ADAT1: variants seen among roughly 807,000 people sequenced by gnomAD.
ADAT1 encodes the protein tRNA-specific adenosine deaminase 1.
A neutral mutation model predicts 58.6 loss-of-function variants in ADAT1; 58 were observed. The observed-to-expected ratio is 0.99, with a 90% CI of 0.80 to 1.23. ADAT1 has a LOEUF of 1.23. Among genes scored for constraint, ADAT1 ranks in the 50% most tolerant of loss-of-function variants. The pLI is 0.00. For missense variants in ADAT1, 741 were observed against 608.6 expected (o/e 1.22, Z -2.29); for synonymous variants, 254 against 220.8 (o/e 1.15, Z -1.33).
intron 4 of ADAT1, among the ~76,000 whole-genome samples, chr16:75,618,098 CAAAAAAAAAAAAAA>C (rs1163510620): frequency 3.1e-5 from 1 of 32,538 alleles, no homozygotes; most frequent in South Asian, 1.5e-3. Flanking sequence ...ACCCTGTGTC[CAAAAAAAAAAAAAA>C]AAAAAAAAAA....
In ADAT1 at chr16:75,598,600, C is replaced by A. The variant is rs1213356630; in HGVS notation, c.*1616G>T. On this transcript the variant is annotated 3_prime_UTR_variant, in exon 10 of 10. Transcript: ENST00000564657. ...ATGGCATGATCTTGACTCACTGCAA[C>A]CTCCGCCTCCCAGGTTCAAGTGATT... is the stretch of plus-strand genomic sequence containing the variant. Among the ~76,000 whole-genome samples, 1 of 151,070 alleles carries A rather than the reference C, an allele frequency of 6.6e-6. No individual in the cohort carries two copies. The highest frequency in any genetic ancestry group is 1.9e-4 in the East Asian group (1 of 5,140).
Position 75,598,302 on chromosome 16 carries a change from C to T in ADAT1, c.*1914G>A. On this transcript the variant is annotated 3_prime_UTR_variant, in exon 10 of 10. Coordinates refer to ENST00000564657, the MANE Select transcript of ADAT1 (RefSeq NM_001324445.2). ...TGTTGGCCAGGATGGTCTTGATCTC[C>T]TGACGTCGTGATCTGCCCACCTCGG... The T allele has an allele frequency of 3.2e-6, 1 of 310,234 alleles. No homozygotes were observed. Among genetic ancestry groups the T allele is most frequent in the Non-Finnish European group, 6.6e-6 (1 of 152,044 alleles). 19.2% of individuals were successfully genotyped at this position (310,234 alleles called of 1,614,324 possible). A position where few individuals can be genotyped will look rare whatever the true frequency, so the allele number is the denominator to read the frequency against.
At chr16:75,606,054 G>T (rs1008272332) in intron 8 of ADAT1, among the ~76,000 whole-genome samples, 11 of 150,020 alleles carry the variant, frequency 7.3e-5, no homozygotes, top group Non-Finnish European at 1.2e-4. Flanking sequence ...TAGAGATTGG[G>T]GGGGGGGTCT....
intron 5 of ADAT1, 36 bp downstream of exon 5, chr16:75,617,106 C>A: frequency 6.3e-7 from 1 of 1,580,026 alleles, no homozygotes; most frequent in South Asian, 1.1e-5. Context: ...GGAAGTAGTT[C>A]ATGTAACATT....
chr16:75,606,038 G>GT lies in ADAT1; in HGVS notation c.1289+2185dup, dbSNP rs1331652413. Among the ~76,000 whole-genome samples the GT allele has an allele frequency of 3.6e-5, 4 of 109,672 alleles. No individual in the cohort carries two copies. The East Asian group carries it at 1.3e-3, about 35-fold the overall frequency. The allele number at this position is 109,672 out of a possible 152,430, so 71.9% of individuals were successfully genotyped here. A position where few individuals can be genotyped will look rare whatever the true frequency, so the allele number is the denominator to read the frequency against. Reference sequence around the variant, plus strand: ...GTTTTTGTTGTTGTTGCTGTTGTTTGTTTTTTAGAGATTGGGGGGGGGGTC... The same window carrying GT: ...GTTTTTGTTGTTGTTGCTGTTGTTTGTTTTTTTAGAGATTGGGGGGGGGGTC... On this transcript the variant is annotated intron_variant, in intron 8 of 9. Transcript: ENST00000564657.
intron 8 of ADAT1, among the ~76,000 whole-genome samples, chr16:75,605,215 C>G (rs141967252): frequency 0.097 from 14,708 of 152,108 alleles, 2,350 homozygotes; most frequent in East Asian, 0.7. Flanking sequence ...CTTGGCCTCC[C>G]AAGTAGCTGG....
intron 8 of ADAT1, 33 bp from the exon 9 acceptor site, chr16:75,603,204 T>A (rs372694686): frequency 1.0e-5 from 16 of 1,582,054 alleles, no homozygotes; most frequent in African/African-American, 4.0e-5. Context: ...GATGATTTAT[T>A]AAGTGTTTAG....
chr16:75,615,480 TAAAAAAAAAAAA>T (rs56149357), intron 5 of ADAT1, among the ~76,000 whole-genome samples: 17 of 32,948 alleles, frequency 5.2e-4, no homozygotes, highest in South Asian at 1.3e-3. Flanking sequence ...GTTGATGAGC[TAAAAAAAAAAAA>T]AAAAAAAAAA....
At chr16:75,606,739 C>T (rs2081382147) in intron 8 of ADAT1, among the ~76,000 whole-genome samples, 1 of 152,114 alleles carries the variant, frequency 6.6e-6, no homozygotes, top group African/African-American at 2.4e-5. Flanking sequence ...AATTCCAGAC[C>T]CACATAACTA....
rs2081889440 is a variant in ADAT1, at chr16:75,620,299, T to C, written c.205A>G (p.Lys69Glu). The change falls in exon 3 of 10, where the codon AAA (lysine) becomes GAA (glutamate). Residue 69 changes from lysine to glutamate, a missense_variant. Transcript: ENST00000564657. ...KEVVSMGTGT[K>E]CIGQSKMRKN... ...CTCATTTTGGACTGTCCTATGCATT[T>C]TGTTCCTGTTCCCATTGACACAACT... 1 of 1,614,206 alleles carries C rather than the reference T, an allele frequency of 6.2e-7. No homozygotes were observed. The highest frequency in any genetic ancestry group is 1.1e-5 in the South Asian group (1 of 91,088).
chr16:75,606,375 G>C (rs766865010), intron 8 of ADAT1, among the ~76,000 whole-genome samples: 4 of 152,102 alleles, frequency 2.6e-5, no homozygotes, highest in African/African-American at 4.8e-5. Flanking sequence ...ATACGTAATA[G>C]GGCTGATCTG....
Position 75,598,732 on chromosome 16 carries a change from T to G in ADAT1, c.*1484A>C, listed in dbSNP as rs919632347. The G allele has an allele frequency of 4.8e-6, 1 of 206,486 alleles. No individual in the cohort carries two copies. The highest frequency in any genetic ancestry group is 2.4e-5 in the African/African-American group (1 of 42,304). The allele number at this position is 206,486 out of a possible 1,614,324, so 12.8% of individuals were successfully genotyped here. On this transcript the variant is annotated 3_prime_UTR_variant, in exon 10 of 10. Transcript: ENST00000564657. ...CGGGGTTTCATCATGTTGGCCAGAC[T>G]GGTCTCGAACTCCTGACCTCAGGTG...
At chr16:75,602,602 T>C (rs2081261550) in intron 9 of ADAT1, among the ~76,000 whole-genome samples, 1 of 152,204 alleles carries the variant, frequency 6.6e-6, no homozygotes, top group Non-Finnish European at 1.5e-5. Flanking sequence ...GTCCTTCACC[T>C]GTGAAACTTC....
chr16:75,618,410 G>A (rs552503294), intron 4 of ADAT1, among the ~76,000 whole-genome samples, 176 bp downstream of exon 4: 2 of 151,722 alleles, frequency 1.3e-5, no homozygotes, highest in East Asian at 3.9e-4. Flanking sequence ...GGAGGCTGAG[G>A]CAGGAGAATT....
At chr16:75,617,293 T>G (rs1184684377) in intron 4 of ADAT1, 21 bp from the exon 5 acceptor site, 1 of 1,606,334 alleles carries the variant, frequency 6.2e-7, no homozygotes, top group Admixed American at 1.7e-5. Flanking sequence ...CAAGATGTTA[T>G]TAGGATGAAC....
rs1462402930 is a variant in ADAT1 at position 75,620,487 on chromosome 16, G to A, written c.169+144C>T. On this transcript the variant is annotated intron_variant, in intron 2 of 9. Coordinates refer to ENST00000564657, the MANE Select transcript of ADAT1 (RefSeq NM_001324445.2). ...GCATGGCGGTCTCCCGCCATCAGAG[G>A]TACTGCGTCACCTAGCAGAGGACAA... 4.3e-6 allele frequency: 6 copies of A among 1,391,288 alleles called. No homozygotes were observed. The East Asian group carries it at 9.2e-5, about 21-fold the overall frequency. 86.2% of individuals were successfully genotyped at this position (1,391,288 alleles called of 1,614,324 possible).
At position 75,623,165 on chromosome 16, in the gene ADAT1, AAC is replaced by A. The variant is rs2081985456; in HGVS notation, c.-786_-785del. The A allele has an allele frequency of 6.6e-6, 1 of 152,188 alleles. No individual in the cohort carries two copies. The highest frequency in any genetic ancestry group is 6.5e-5 in the Admixed American group (1 of 15,290). 9.4% of individuals were successfully genotyped at this position (152,188 alleles called of 1,614,324 possible). ...GATCCTCACAACCTCTTCCCTCAAA[AAC>A]AGACTCGGCAAAGTTAGCCCGGATA... On this transcript the variant is annotated 5_prime_UTR_variant, in exon 1 of 10. Transcript: ENST00000564657.
chr16:75,603,240 G>A, intron 8 of ADAT1, 69 bp from the exon 9 acceptor site: 1 of 1,378,738 alleles, frequency 7.3e-7, no homozygotes, highest in South Asian at 1.2e-5. Flanking sequence ...TATCAAAGAT[G>A]CCAGGCTTCA....
chr16:75,620,728 C>T lies in ADAT1; in HGVS notation c.72G>A (p.Lys24=), dbSNP rs2081907194. ...HYGIRLPKKG[K]PEPNHEWTLL... Reference sequence around the variant, plus strand: ...ATGTCCACTCATGGTTTGGCTCAGGCTTCCCCTTCTTGGGCAGCCTGATCC... The same window carrying T: ...ATGTCCACTCATGGTTTGGCTCAGGTTTCCCCTTCTTGGGCAGCCTGATCC... The change falls in exon 2 of 10, where the codon AAG becomes AAA. Residue 24 remains lysine, a synonymous_variant. Coordinates refer to ENST00000564657, the MANE Select transcript of ADAT1 (RefSeq NM_001324445.2). 1 of 1,614,162 alleles carries T rather than the reference C, an allele frequency of 6.2e-7. No homozygotes were observed. Among genetic ancestry groups the T allele is most frequent in the Non-Finnish European group, 8.5e-7 (1 of 1,180,032 alleles).
Sources: allele counts gnomAD v4.1 joint callset (sites outside exome capture counted in the v4.1 genomes callset), GRCh38; gene constraint gnomAD v4.1.1; transcripts MANE v1.5; gene names NCBI Gene and HGNC (gene_info 2026-07-23, HGNC 2026-07-21).